Variants in GABRR2 observed in about 807,000 individuals in gnomAD.
The protein encoded by GABRR2 is gamma-aminobutyric acid receptor subunit rho-2.
Under a neutral mutation model 47.0 loss-of-function variants are expected in GABRR2, and 36 were observed. The observed-to-expected ratio is 0.77, with a 90% CI of 0.59 to 1.01. The LOEUF (loss-of-function observed/expected upper bound fraction) is 1.01, where lower values mean the gene tolerates loss of function less well. Ranked by LOEUF, GABRR2 falls within the 50% of genes least tolerant of loss-of-function variation. GABRR2 has a pLI of 0.00. For synonymous variants in GABRR2, 204 were observed against 227.5 expected (o/e 0.90, Z 0.93); for missense variants, 587 against 594.6 (o/e 0.99, Z 0.13).
At chr6:89,290,239 T>C (rs767556035) in intron 2 of GABRR2, among the ~76,000 whole-genome samples, 1 of 152,234 alleles carries the variant, frequency 6.6e-6, no homozygotes, top group African/African-American at 2.4e-5. Context: ...AGCAGGCTGA[T>C]GTGTGCCAGC....
At chr6:89,285,462 CG>C (rs535792004) in intron 2 of GABRR2, among the ~76,000 whole-genome samples, 3 of 152,288 alleles carry the variant, frequency 2.0e-5, no homozygotes, top group Admixed American at 1.3e-4. Flanking sequence ...ATGAGCACCA[CG>C]TGTGAGCATG....
At chr6:89,266,100 T>C (rs969239896) in intron 6 of GABRR2, among the ~76,000 whole-genome samples, 13 of 152,218 alleles carry the variant, frequency 8.5e-5, no homozygotes, top group Admixed American at 8.5e-4. Context: ...TCTTGCTCTG[T>C]AGCCCAGGCT....
At position 89,267,662 on chromosome 6, in the gene GABRR2, T is replaced by C; in HGVS notation, c.736+17A>G. The C allele has an allele frequency of 1.2e-6, 2 of 1,604,814 alleles. No individual in the cohort carries two copies. The highest frequency in any genetic ancestry group is 8.5e-7 in the Non-Finnish European group (1 of 1,176,476). On this transcript the variant is annotated intron_variant, in intron 6 of 8. Coordinates refer to ENST00000402938, the MANE Select transcript of GABRR2 (RefSeq NM_002043.5). Reference sequence around the variant, plus strand: ...TTTCTTGCACATTTGAATCAGATTGTGGCAAAAGATAGCTACCAGTGCTGC... The same window carrying C: ...TTTCTTGCACATTTGAATCAGATTGCGGCAAAAGATAGCTACCAGTGCTGC...
intron 2 of GABRR2, among the ~76,000 whole-genome samples, chr6:89,298,554 A>T (rs1171964798): frequency 3.9e-5 from 6 of 152,288 alleles, no homozygotes; most frequent in African/African-American, 1.4e-4. Flanking sequence ...GGCAGAGAAA[A>T]AGGAAAAAGG....
chr6:89,263,867 G>T (rs935518368), intron 8 of GABRR2, among the ~76,000 whole-genome samples: 1 of 152,110 alleles, frequency 6.6e-6, no homozygotes, highest in Non-Finnish European at 1.5e-5. Flanking sequence ...ACACATAAAA[G>T]GTTTTTTTTT....
At chr6:89,306,049 T>C (rs1767553493) in intron 1 of GABRR2, among the ~76,000 whole-genome samples, 1 of 151,026 alleles carries the variant, frequency 6.6e-6, no homozygotes, top group Non-Finnish European at 1.5e-5. Flanking sequence ...AAGAAAATGA[T>C]TGTGTTGAGT....
chr6:89,296,551 G>A (rs1774557893), intron 2 of GABRR2, among the ~76,000 whole-genome samples: 1 of 152,218 alleles, frequency 6.6e-6, no homozygotes, highest in African/African-American at 2.4e-5. Flanking sequence ...TCTATGGAAG[G>A]TGATGCCTCT....
chr6:89,309,798 G>C (rs1406245335), intron 1 of GABRR2, among the ~76,000 whole-genome samples: 2 of 151,934 alleles, frequency 1.3e-5, no homozygotes, highest in Non-Finnish European at 2.9e-5. Flanking sequence ...TATTTTTAGA[G>C]ACAGGGTCTT....
intron 8 of GABRR2, among the ~76,000 whole-genome samples, chr6:89,262,037 A>G (rs1224521963): frequency 3.9e-5 from 6 of 151,936 alleles, no homozygotes; most frequent in Non-Finnish European, 7.4e-5. Context: ...TCAAAAAAAA[A>G]AAAAAAAAAT....
intron 5 of GABRR2, 79 bp from the exon 6 acceptor site, chr6:89,267,898 G>A (rs1773941358): frequency 1.9e-6 from 3 of 1,585,952 alleles, no homozygotes; most frequent in Non-Finnish European, 2.6e-6. Flanking sequence ...TCCTATGCCA[G>A]TCCAGAAGTA....
intron 1 of GABRR2, chr6:89,302,951 G>A (rs1173767158): frequency 4.1e-6 from 5 of 1,233,150 alleles, no homozygotes; most frequent in African/African-American, 1.5e-5. Flanking sequence ...TTCCTACACT[G>A]GTACATGGGC....
At chr6:89,294,577 G>T (rs1425161956) in intron 2 of GABRR2, among the ~76,000 whole-genome samples, 1 of 152,026 alleles carries the variant, frequency 6.6e-6, no homozygotes, top group Non-Finnish European at 1.5e-5. Context: ...TGCTTAGTAT[G>T]GTGGGCGCTA....
intron 2 of GABRR2, among the ~76,000 whole-genome samples, chr6:89,282,218 T>C (rs1162605577): frequency 2.0e-5 from 3 of 152,122 alleles, no homozygotes; most frequent in African/African-American, 2.4e-5. Flanking sequence ...CACAGAGATC[T>C]TGGGCTCCCT....
chr6:89,302,186 C>T, intron 1 of GABRR2: 2 of 559,172 alleles, frequency 3.6e-6, no homozygotes, highest in South Asian at 3.2e-5. Flanking sequence ...CCAGCTGACC[C>T]TCTCGCTGGG....
intron 2 of GABRR2, among the ~76,000 whole-genome samples, chr6:89,273,859 C>T (rs1774107754): frequency 6.6e-6 from 1 of 152,198 alleles, no homozygotes; most frequent in South Asian, 2.1e-4. Context: ...ACTGTACTCT[C>T]CCTGTTCCCC....
chr6:89,268,287 C>G (rs532173166), intron 4 of GABRR2, among the ~76,000 whole-genome samples, 191 bp from the exon 5 acceptor site: 1 of 152,380 alleles, frequency 6.6e-6, no homozygotes, highest in Middle Eastern at 3.4e-3. Flanking sequence ...AGTATTAGTG[C>G]TCTGCCAGAT....
chr6:89,292,930 G>A (rs1233754748), intron 2 of GABRR2, among the ~76,000 whole-genome samples: 2 of 149,682 alleles, frequency 1.3e-5, no homozygotes, highest in Non-Finnish European at 3.0e-5. Flanking sequence ...ATTACTATAT[G>A]ATCTAGCAAT....
intron 8 of GABRR2, 27 bp downstream of exon 8, chr6:89,264,385 A>C: frequency 6.2e-7 from 1 of 1,602,914 alleles, no homozygotes; most frequent in Non-Finnish European, 8.5e-7. Flanking sequence ...GCATGGACTT[A>C]GACAAGGGCC....
intron 2 of GABRR2, among the ~76,000 whole-genome samples, chr6:89,293,108 A>C (rs911003014): frequency 6.6e-6 from 1 of 152,164 alleles, no homozygotes; most frequent in Non-Finnish European, 1.5e-5. Context: ...TATCCAGTGG[A>C]ATATTCAGCC....
Sources: gnomAD v4.1 joint callset for allele counts (sites outside exome capture counted in the v4.1 genomes callset) on GRCh38, gnomAD v4.1.1 for gene constraint, MANE v1.5 for transcripts, NCBI Gene and HGNC (gene_info 2026-07-23, HGNC 2026-07-21) for gene names.